DGKI: variants seen among roughly 807,000 people sequenced by gnomAD.
DGKI encodes DAG kinase iota.
In DGKI, 55 loss-of-function variants were observed where a neutral mutation model predicts 147.5. The observed-to-expected ratio is 0.37, with a 90% CI of 0.30 to 0.47. The LOEUF is 0.47. Among genes scored for constraint, DGKI ranks in the 20% least tolerant of loss-of-function variants. The probability of loss-of-function intolerance (pLI) is 1.00; values close to 1 mark genes in which losing one functional copy is unlikely to be tolerated. For missense variants in DGKI, 1,007 were observed against 1,323.8 expected, an observed-to-expected ratio of 0.76 and a Z score of 3.71; for synonymous variants, 469 against 477.1, an observed-to-expected ratio of 0.98 and a Z score of 0.22.
At chr7:137,552,329 G>C in intron 20 of DGKI, 40 bp downstream of exon 20, 1 of 1,607,252 alleles carries the variant, frequency 6.2e-7, no homozygotes, top group Non-Finnish European at 8.5e-7. Flanking sequence ...TCCTCTCCAA[G>C]GTCTTCATGT....
intron 7 of DGKI, 103 bp downstream of exon 7, chr7:137,623,380 A>G: frequency 9.1e-7 from 1 of 1,099,578 alleles, no homozygotes; most frequent in South Asian, 1.3e-5. Context: ...GCAATACATT[A>G]AATTAGGAAT....
intron 23 of DGKI, among the ~76,000 whole-genome samples, chr7:137,478,939 A>G (rs1190881316): frequency 6.6e-6 from 1 of 152,220 alleles, no homozygotes; most frequent in African/African-American, 2.4e-5. Context: ...GCGTCTTTCA[A>G]AAGCATCTGA....
intron 27 of DGKI, among the ~76,000 whole-genome samples, chr7:137,460,749 C>T (rs1262532713): frequency 6.6e-6 from 1 of 152,074 alleles, no homozygotes; most frequent in Non-Finnish European, 1.5e-5. Context: ...CCAACTTGTA[C>T]AATACAAAAC....
chr7:137,608,538 T>G (rs147390597), intron 10 of DGKI, among the ~76,000 whole-genome samples: 31 of 152,332 alleles, frequency 2.0e-4, no homozygotes, highest in African/African-American at 7.0e-4. Flanking sequence ...GGCTCATGAA[T>G]CATCCTTTTT....
At chr7:137,615,372 G>A (rs1164013889) in intron 8 of DGKI, among the ~76,000 whole-genome samples, 1 of 152,000 alleles carries the variant, frequency 6.6e-6, no homozygotes, top group Non-Finnish European at 1.5e-5. Context: ...AATGGATCAC[G>A]GTGGATTCAT....
At chr7:137,550,839 CTATA>C (rs1271774473) in intron 20 of DGKI, among the ~76,000 whole-genome samples, 4 of 152,176 alleles carry the variant, frequency 2.6e-5, no homozygotes, top group African/African-American at 9.7e-5. Flanking sequence ...ACAACATAGG[CTATA>C]GCACAGTTTC....
intron 30 of DGKI, among the ~76,000 whole-genome samples, chr7:137,400,147 G>A (rs1389709372): frequency 6.6e-6 from 1 of 152,124 alleles, no homozygotes; most frequent in African/African-American, 2.4e-5. Context: ...CAAATTCTAT[G>A]TCCTGAGAAA....
intron 1 of DGKI, among the ~76,000 whole-genome samples, chr7:137,779,284 G>GA (rs11320206): frequency 2.0e-5 from 3 of 150,392 alleles, no homozygotes; most frequent in South Asian, 2.1e-4. Flanking sequence ...TGTTCATATG[G>GA]AAAAAAAAAG....
intron 6 of DGKI, among the ~76,000 whole-genome samples, chr7:137,635,602 G>A (rs1180409066): frequency 6.6e-6 from 1 of 152,212 alleles, no homozygotes; most frequent in Non-Finnish European, 1.5e-5. Flanking sequence ...ATGTGACCAT[G>A]AGATCCACTG....
At chr7:137,671,882 A>C (rs979810986) in intron 3 of DGKI, among the ~76,000 whole-genome samples, 3 of 152,254 alleles carry the variant, frequency 2.0e-5, no homozygotes, top group African/African-American at 7.2e-5. Flanking sequence ...AGACTAAAGC[A>C]AAATACAAGA....
chr7:137,583,307 C>A (rs919254423), intron 14 of DGKI, among the ~76,000 whole-genome samples: 1 of 152,112 alleles, frequency 6.6e-6, no homozygotes, highest in Non-Finnish European at 1.5e-5. Context: ...TACTCTTCAG[C>A]CTTCTTATTT....
At chr7:137,643,019 C>T (rs1010475745) in intron 6 of DGKI, among the ~76,000 whole-genome samples, 1 of 149,036 alleles carries the variant, frequency 6.7e-6, no homozygotes, top group Non-Finnish European at 1.5e-5. Flanking sequence ...GGGCCGGGCG[C>T]GGTGGCTCAT....
rs946289004 is a variant in DGKI, at chr7:137,776,093, G to A, written c.401+70369C>T. Among the ~76,000 whole-genome samples, 4 of 152,086 alleles carry A rather than the reference G, an allele frequency of 2.6e-5. No individual in the cohort carries two copies. In the South Asian group the frequency reaches 8.3e-4, roughly 32 times the overall value. On this transcript the variant is annotated intron_variant, in intron 1 of 32. Coordinates refer to ENST00000614521, the MANE Select transcript of DGKI (RefSeq NM_001321708.2). ...GGCTGGTCTCAAACTCCTGACCTTA[G>A]GTGATCCACCTGCCTTGGCCTCCCA...
rs369680119 is a variant in DGKI, at chr7:137,558,643, G to GT, written c.1948-6076dup. Among the ~76,000 whole-genome samples the GT allele has an allele frequency of 8.1e-5, 9 of 111,092 alleles. No individual in the cohort carries two copies. The East Asian group carries it at 2.2e-3, about 27-fold the overall frequency. The allele number at this position is 111,092 out of a possible 152,430, so 72.9% of individuals were successfully genotyped here. On this transcript the variant is annotated intron_variant, in intron 19 of 32. Transcript: ENST00000614521. ...GGGAACCTAAATGCTATTAGTAGTG[G>GT]TGGTATTAATTATTGTCCACACTAA...
At chr7:137,410,982 TG>T (rs1188757190) in intron 29 of DGKI, among the ~76,000 whole-genome samples, 2 of 152,266 alleles carry the variant, frequency 1.3e-5, no homozygotes, top group African/African-American at 4.8e-5. Flanking sequence ...AGGGGGCAGT[TG>T]ATCAAGATGT....
intron 17 of DGKI, among the ~76,000 whole-genome samples, chr7:137,575,861 A>G (rs1818951696): frequency 6.6e-6 from 1 of 152,148 alleles, no homozygotes; most frequent in Admixed American, 6.6e-5. Flanking sequence ...CTCTTGTTTC[A>G]ACTGATTTAG....
chr7:137,564,979 G>A (rs532545724), intron 19 of DGKI, among the ~76,000 whole-genome samples: 80 of 152,236 alleles, frequency 5.3e-4, no homozygotes, highest in African/African-American at 1.8e-3. Flanking sequence ...TCTATATGCC[G>A]CTCTTGGGCA....
Position 137,444,063 on chromosome 7 carries a change from C to T in DGKI, c.2761+14G>A, listed in dbSNP as rs1198112856. On this transcript the variant is annotated intron_variant, in intron 28 of 32. Transcript: ENST00000614521. ...CAATCCTGAATTGGTATAAATAAGA[C>T]AGATGATTCTTACCATGATCTTCTG... 6.4e-7 allele frequency: 1 copy of T among 1,560,232 alleles called. No individual in the cohort carries two copies. Among genetic ancestry groups the T allele is most frequent in the Non-Finnish European group, 8.7e-7 (1 of 1,152,372 alleles).
intron 21 of DGKI, among the ~76,000 whole-genome samples, chr7:137,497,844 G>T (rs1326645418): frequency 2.0e-5 from 3 of 152,026 alleles, no homozygotes; most frequent in African/African-American, 4.8e-5. Flanking sequence ...TCAAAAAATT[G>T]CCTATCTGGT....
Sources: gnomAD v4.1 joint callset for allele counts (sites outside exome capture counted in the v4.1 genomes callset) on GRCh38, gnomAD v4.1.1 for gene constraint, MANE v1.5 for transcripts, NCBI Gene and HGNC (gene_info 2026-07-23, HGNC 2026-07-21) for gene names.